SVEP1: variants seen among roughly 807,000 people sequenced by gnomAD.
The protein encoded by SVEP1 is sushi, von Willebrand factor type A, EGF and pentraxin domain-containing protein 1.
SVEP1 carries 164 observed loss-of-function variants against 367.3 expected under a neutral mutation model. The observed-to-expected ratio is 0.45, with a 90% confidence interval of 0.39 to 0.51. The LOEUF (loss-of-function observed/expected upper bound fraction) is 0.51. SVEP1 is among the 20% of genes least tolerant of loss of function. The pLI, the probability that SVEP1 is intolerant of heterozygous loss-of-function variation, is 0.00. For synonymous variants in SVEP1, 1,666 were observed against 1,611.6 expected (o/e 1.03, Z -0.81); for missense variants, 4,117 against 4,425.3 (o/e 0.93, Z 1.98).
At chr9:110,416,463 G>A (rs1315103095) in intron 36 of SVEP1, among the ~76,000 whole-genome samples, 1 of 151,768 alleles carries the variant, frequency 6.6e-6, no homozygotes, top group Non-Finnish European at 1.5e-5. Context: ...TTATCCAAAT[G>A]TAATAGGTTT....
chr9:110,501,224 C>T (rs1829524525), intron 6 of SVEP1, among the ~76,000 whole-genome samples: 2 of 149,002 alleles, frequency 1.3e-5, no homozygotes, highest in Non-Finnish European at 3.0e-5. Context: ...ATTTTGAAAA[C>T]ATTTTATATA....
chr9:110,545,326 T>G (rs1830206222), intron 3 of SVEP1, among the ~76,000 whole-genome samples: 1 of 152,202 alleles, frequency 6.6e-6, no homozygotes, highest in Non-Finnish European at 1.5e-5. Flanking sequence ...CTTTTTAGTT[T>G]TTTGAGGAAC....
intron 4 of SVEP1, 53 bp downstream of exon 4, chr9:110,513,895 T>C (rs540896557): frequency 6.4e-7 from 1 of 1,555,300 alleles, no homozygotes; most frequent in African/African-American, 1.4e-5. Flanking sequence ...GCACTATTTC[T>C]CTCAGAGAAA....
chr9:110,475,274 C>T (rs1026535559), intron 14 of SVEP1, among the ~76,000 whole-genome samples: 7 of 152,072 alleles, frequency 4.6e-5, no homozygotes, highest in South Asian at 2.1e-4. Flanking sequence ...TGCCGTAATG[C>T]GAATTAATAC....
chr9:110,554,220 T>G (rs574475511), intron 1 of SVEP1, among the ~76,000 whole-genome samples: 1 of 152,308 alleles, frequency 6.6e-6, no homozygotes, highest in South Asian at 2.1e-4. Context: ...TTTTTTTCTC[T>G]CTATTAAAAT....
intron 36 of SVEP1, among the ~76,000 whole-genome samples, chr9:110,425,929 T>C (rs1006022843): frequency 6.6e-6 from 1 of 152,238 alleles, no homozygotes; most frequent in African/African-American, 2.4e-5. Context: ...TTTCTAGTTG[T>C]ATATGGTGAT....
In SVEP1 at chr9:110,483,529, TA is replaced by T. The variant is rs879194953; in HGVS notation, c.2038+56del. ...TCTTTTATCCCATTAAAAAGCTTTT[TA>T]AAATAAAAAAGAATTCATTGCTACT... On this transcript the variant is annotated intron_variant, in intron 10 of 47. Coordinates refer to ENST00000374469, the MANE Select transcript of SVEP1 (RefSeq NM_153366.4). The T allele has an allele frequency of 1.1e-5, 15 of 1,332,900 alleles. No individual in the cohort carries two copies. In the South Asian group the frequency reaches 2.2e-4, roughly 20 times the overall value. 82.6% of individuals were successfully genotyped at this position (1,332,900 alleles called of 1,614,324 possible). A position where few individuals can be genotyped will look rare whatever the true frequency, so the allele number is the denominator to read the frequency against.
rs1431633363 is a variant in SVEP1, at chr9:110,488,240, A to G, written c.1930+1410T>C. Among the ~76,000 whole-genome samples the G allele has an allele frequency of 3.3e-5, 5 of 152,080 alleles. No homozygotes were observed. The East Asian group carries it at 9.6e-4, about 29-fold the overall frequency. On this transcript the variant is annotated intron_variant, in intron 9 of 47. Transcript: ENST00000374469. ...AATAATTTAGGTTTAGGTGAGTTTGAAATGCCTGTGAGACATTAATATGGG... is the reference window on the plus strand; with the variant it reads ...AATAATTTAGGTTTAGGTGAGTTTGGAATGCCTGTGAGACATTAATATGGG...
intron 3 of SVEP1, among the ~76,000 whole-genome samples, chr9:110,518,759 G>A (rs369191780): frequency 1.1e-4 from 17 of 152,148 alleles, no homozygotes; most frequent in African/African-American, 4.1e-4. Flanking sequence ...TATCTTAGAT[G>A]CGACCTCATC....
intron 3 of SVEP1, among the ~76,000 whole-genome samples, chr9:110,534,313 A>T (rs1038179928): frequency 1.3e-5 from 2 of 152,200 alleles, no homozygotes; most frequent in Non-Finnish European, 2.9e-5. Context: ...TTTGCTCAGG[A>T]TAATGGCTTC....
At chr9:110,386,132 C>A (rs1385926976) in intron 42 of SVEP1, 58 bp from the exon 43 acceptor site, 19 of 1,559,618 alleles carry the variant, frequency 1.2e-5, no homozygotes, top group African/African-American at 9.6e-5. Flanking sequence ...TAATGTATTT[C>A]TTTGAAGGTG....
chr9:110,424,522 G>A (rs1023449704), intron 36 of SVEP1, among the ~76,000 whole-genome samples: 1 of 152,166 alleles, frequency 6.6e-6, no homozygotes, highest in African/African-American at 2.4e-5. Context: ...ATAGATGAGT[G>A]ATGAGAATGG....
chr9:110,466,118 T>C, intron 17 of SVEP1, 92 bp from the exon 18 acceptor site: 1 of 1,357,084 alleles, frequency 7.4e-7, no homozygotes, highest in Admixed American at 2.5e-5. Context: ...CATTTTAGTT[T>C]AGGACAGAAG....
intron 1 of SVEP1, among the ~76,000 whole-genome samples, chr9:110,577,247 G>A (rs1208909647): frequency 1.3e-5 from 2 of 152,066 alleles, no homozygotes; most frequent in Non-Finnish European, 2.9e-5. Context: ...TAAATATGTT[G>A]TAAAGTTACA....
intron 13 of SVEP1, among the ~76,000 whole-genome samples, chr9:110,478,639 T>C (rs766868419): frequency 3.3e-5 from 5 of 152,218 alleles, no homozygotes; most frequent in Non-Finnish European, 5.9e-5. Context: ...AATATTTTCT[T>C]GGTTTGCTAG....
Position 110,579,410 on chromosome 9 carries a change from C to T in SVEP1, c.134G>A (p.Ser45Asn). ...FPETAPGAPG[S>N]IPAPPAPGDE... ...GCCAGGAGCGGGCGGCGCGGGGATA[C>T]TCCCGGGGGCCCCGGGCGCGGTCTC... The change falls in exon 1 of 48, where the codon AGT becomes AAT. Residue 45 changes from serine to asparagine, a missense_variant. Ser to Asn is a conservative substitution (Grantham distance 46, BLOSUM62 1). Around this residue, in one of 4 missense-constraint regions of SVEP1, gnomAD observed 161 missense variants for 122.4 expected, o/e 1.32. Transcript: ENST00000374469. This position sits in a 1 kb window ranked among gnomAD's most constrained non-coding sequence, Gnocchi z 5.3. 1 of 1,578,598 alleles carries T rather than the reference C, an allele frequency of 6.3e-7. No homozygotes were observed. The highest frequency in any genetic ancestry group is 8.6e-7 in the Non-Finnish European group (1 of 1,163,278).
rs1474976376 is a variant in SVEP1, at chr9:110,458,137, C to T, written c.3576+334G>A. ...AACTCTGCCTGCCAATTAGAAAAGGCCTTTCCTTAAACCAAATTCTCTTAC... is the reference window on the plus strand; with the variant it reads ...AACTCTGCCTGCCAATTAGAAAAGGTCTTTCCTTAAACCAAATTCTCTTAC... On this transcript the variant is annotated intron_variant, in intron 20 of 47. Transcript: ENST00000374469. The T allele has an allele frequency of 1.5e-5, 8 of 525,792 alleles. No individual in the cohort carries two copies. The East Asian group carries it at 3.6e-4, about 24-fold the overall frequency. 32.6% of individuals were successfully genotyped at this position (525,792 alleles called of 1,614,324 possible).
chr9:110,547,050 T>A (rs541653329), intron 2 of SVEP1, among the ~76,000 whole-genome samples: 6 of 152,234 alleles, frequency 3.9e-5, no homozygotes, highest in African/African-American at 1.2e-4. Flanking sequence ...GTGATGGGCT[T>A]ATAGTAGGAA....
At chr9:110,565,847 A>T (rs1830485611) in intron 1 of SVEP1, among the ~76,000 whole-genome samples, 1 of 151,942 alleles carries the variant, frequency 6.6e-6, no homozygotes, top group Non-Finnish European at 1.5e-5. Flanking sequence ...TCTTGCATCT[A>T]CTAGATCTGA....
Sources: gnomAD v4.1 joint callset for allele counts (sites outside exome capture counted in the v4.1 genomes callset) on GRCh38, gnomAD v4.1.1 for gene constraint, gnomAD v4.1.1 regional missense constraint, Gnocchi (gnomAD v3.1) non-coding constraint, MANE v1.5 for transcripts, NCBI Gene and HGNC (gene_info 2026-07-23, HGNC 2026-07-21) for gene names.